Variants in OTUD7A observed in about 807,000 individuals in gnomAD.
OTUD7A encodes the protein OTU domain-containing protein 7A.
A neutral mutation model predicts 65.7 loss-of-function variants in OTUD7A; 12 were observed. That is an observed-to-expected ratio of 0.18 (90% CI 0.12 to 0.30). The LOEUF (loss-of-function observed/expected upper bound fraction) is 0.30. Ranked by LOEUF, OTUD7A falls within the 10% of genes least tolerant of loss-of-function variation. The pLI, the probability that OTUD7A is intolerant of heterozygous loss-of-function variation, is 1.00. For synonymous variants in OTUD7A, 641 were observed against 586.3 expected (o/e 1.09, Z -1.35); for missense variants, 1,148 against 1,304.8 (o/e 0.88, Z 1.85).
chr15:31,558,508 C>T (rs1175779099), intron 5 of OTUD7A: 1 of 176,068 alleles, frequency 5.7e-6, no homozygotes, highest in South Asian at 1.5e-4. Flanking sequence ...AAAGCGTTGC[C>T]GGGTCAGCAG....
chr15:31,489,383 C>A (rs1443631098), intron 10 of OTUD7A, among the ~76,000 whole-genome samples: 1 of 152,186 alleles, frequency 6.6e-6, no homozygotes, highest in Non-Finnish European at 1.5e-5. Flanking sequence ...CTGTTAGAAG[C>A]AGTTCCTGTG....
Position 31,789,698 on chromosome 15 carries a change from A to G in OTUD7A, c.-100+80809T>C, listed in dbSNP as rs545550373. 2.9e-4 allele frequency among the ~76,000 whole-genome samples: 40 copies of G among 138,618 alleles called. No individual in the cohort carries two copies. The Admixed American group carries it at 3.4e-3, about 12-fold the overall frequency. 90.9% of individuals were successfully genotyped at this position (138,618 alleles called of 152,430 possible). ...GCAGAGGTAGAACTGTGGAAATCCA[A>G]TGCTGCCCTTTTTTTTTTTTTTTTT... On this transcript the variant is annotated intron_variant, in intron 1 of 12. Coordinates refer to ENST00000307050, the MANE Select transcript of OTUD7A (RefSeq NM_001382637.1).
intron 1 of OTUD7A, among the ~76,000 whole-genome samples, chr15:31,797,321 C>A (rs1273400924): frequency 6.6e-6 from 1 of 152,180 alleles, no homozygotes; most frequent in East Asian, 1.9e-4. Context: ...AGAACACAAA[C>A]CCCTCTACTC....
intron 8 of OTUD7A, among the ~76,000 whole-genome samples, chr15:31,525,978 T>C (rs2042005967): frequency 6.6e-6 from 1 of 152,220 alleles, no homozygotes; most frequent in South Asian, 2.1e-4. Context: ...GCGATGGCAA[T>C]GTGTGGGAAT....
intron 1 of OTUD7A, among the ~76,000 whole-genome samples, chr15:31,770,276 T>C (rs1787721146): frequency 6.6e-6 from 1 of 152,150 alleles, no homozygotes; most frequent in South Asian, 2.1e-4. Flanking sequence ...ATTAATTACA[T>C]GGGAATATGA....
chr15:31,555,477 G>A (rs1419327529), intron 5 of OTUD7A, among the ~76,000 whole-genome samples: 1 of 152,176 alleles, frequency 6.6e-6, no homozygotes, highest in Non-Finnish European at 1.5e-5. Context: ...GCAATACTGA[G>A]CAGCTTTCTT....
At chr15:31,861,160 G>A (rs928115344) in intron 1 of OTUD7A, among the ~76,000 whole-genome samples, 2 of 152,092 alleles carry the variant, frequency 1.3e-5, no homozygotes, top group Admixed American at 1.3e-4. Context: ...GAGTTGAAAG[G>A]GGTATCAGAG....
chr15:31,513,864 A>C (rs1270404661), intron 8 of OTUD7A, among the ~76,000 whole-genome samples: 1 of 152,134 alleles, frequency 6.6e-6, no homozygotes, highest in Non-Finnish European at 1.5e-5. Flanking sequence ...TCCTCACCAA[A>C]TCTTTATAGG....
chr15:31,775,835 G>T (rs1421777114), intron 1 of OTUD7A, among the ~76,000 whole-genome samples: 1 of 152,144 alleles, frequency 6.6e-6, no homozygotes, highest in Non-Finnish European at 1.5e-5. Flanking sequence ...TGAACCTGGG[G>T]CTGGAAAAGC....
intron 1 of OTUD7A, among the ~76,000 whole-genome samples, chr15:31,663,280 CACAA>C (rs1286471139): frequency 6.7e-6 from 1 of 150,296 alleles, no homozygotes; most frequent in Admixed American, 6.6e-5. Flanking sequence ...CACACACACA[CACAA>C]GTTTTTAAAA....
At position 31,479,486 on chromosome 15, in the gene OTUD7A, A is replaced by G. The variant is rs1451401533; in HGVS notation, c.*3808T>C. The G allele has an allele frequency of 6.6e-6, 1 of 152,264 alleles. No individual in the cohort carries two copies. Among genetic ancestry groups the G allele is most frequent in the Non-Finnish European group, 1.5e-5 (1 of 68,050 alleles). 9.4% of individuals were successfully genotyped at this position (152,264 alleles called of 1,614,324 possible). On this transcript the variant is annotated 3_prime_UTR_variant, in exon 13 of 13. Transcript: ENST00000307050. Reference sequence around the variant, plus strand: ...TTTACTCCAGGTCTCTTCGTAAATAAAAGACTCACATGGAATGGAACTTAC... The same window carrying G: ...TTTACTCCAGGTCTCTTCGTAAATAGAAGACTCACATGGAATGGAACTTAC...
intron 5 of OTUD7A, among the ~76,000 whole-genome samples, chr15:31,551,514 C>A (rs1280721467): frequency 6.6e-6 from 1 of 152,200 alleles, no homozygotes; most frequent in East Asian, 1.9e-4. Flanking sequence ...AGCTATTAGT[C>A]ACTTATTCTG....
intron 8 of OTUD7A, among the ~76,000 whole-genome samples, chr15:31,513,045 A>G (rs541100523): frequency 2.0e-5 from 3 of 152,128 alleles, no homozygotes; most frequent in South Asian, 2.1e-4. Flanking sequence ...ATTTTTTTGT[A>G]TTTTTAGTGG....
At chr15:31,612,820 A>T (rs1363203915) in intron 3 of OTUD7A, among the ~76,000 whole-genome samples, 1 of 152,200 alleles carries the variant, frequency 6.6e-6, no homozygotes, top group African/African-American at 2.4e-5. Context: ...GAACCAAAAA[A>T]GAGCCTGCAT....
At chr15:31,755,392 T>C (rs1173780867) in intron 1 of OTUD7A, among the ~76,000 whole-genome samples, 1 of 152,124 alleles carries the variant, frequency 6.6e-6, no homozygotes, top group Non-Finnish European at 1.5e-5. Flanking sequence ...AAGCATCATG[T>C]AAGGAAAACC....
intron 1 of OTUD7A, among the ~76,000 whole-genome samples, chr15:31,790,541 C>T (rs1895786931): frequency 6.6e-6 from 1 of 152,190 alleles, no homozygotes; most frequent in Non-Finnish European, 1.5e-5. Flanking sequence ...TAAATAGATG[C>T]CCTTAACAGA....
At chr15:31,511,280 CATATGTATATCTATATGTAACACACATAT>C (rs1566893452) in intron 8 of OTUD7A, among the ~76,000 whole-genome samples, 3 of 1,956 alleles carry the variant, frequency 1.5e-3, no homozygotes, top group Non-Finnish European at 2.0e-3. Context: ...AACACACATA[CATATGTATATCTATATGTAACACACATAT>C]ATATGTATAT....
chr15:31,577,628 C>G (rs1256212246), intron 3 of OTUD7A, among the ~76,000 whole-genome samples: 2 of 152,088 alleles, frequency 1.3e-5, no homozygotes, highest in African/African-American at 4.8e-5. Flanking sequence ...TTCTCAGGAT[C>G]TCTTAAGACT....
chr15:31,831,741 CTAGCCACAGGAAAG>C (rs1265924325), intron 1 of OTUD7A, among the ~76,000 whole-genome samples: 2 of 152,252 alleles, frequency 1.3e-5, no homozygotes, highest in Non-Finnish European at 2.9e-5. Flanking sequence ...GCCCAGGATT[CTAGCCACAGGAAAG>C]TAGCCAAGCA....
Sources: gnomAD v4.1 joint callset for allele counts (sites outside exome capture counted in the v4.1 genomes callset) on GRCh38, gnomAD v4.1.1 for gene constraint, MANE v1.5 for transcripts, NCBI Gene and HGNC (gene_info 2026-07-23, HGNC 2026-07-21) for gene names.